VNN2: variants seen among roughly 807,000 people sequenced by gnomAD.
The protein encoded by VNN2 is vanin 2.
Under a neutral mutation model 43.0 loss-of-function variants are expected in VNN2, and 43 were observed. The ratio of observed to expected loss-of-function variants is 1.00; its 90% CI spans 0.78 to 1.29. The LOEUF (loss-of-function observed/expected upper bound fraction) is 1.29, where lower values mean the gene tolerates loss of function less well. VNN2 is among the 50% of genes most tolerant of loss of function. VNN2 has a pLI of 0.00. For missense variants in VNN2, 652 were observed against 619.7 expected (o/e 1.05, Z -0.55); for synonymous variants, 230 against 224.3 (o/e 1.03, Z -0.23).
chr6:132,755,206 A>G (rs571617635), intron 3 of VNN2, among the ~76,000 whole-genome samples: 34 of 151,472 alleles, frequency 2.2e-4, no homozygotes, highest in Non-Finnish European at 4.1e-4. Flanking sequence ...TGCCCAGATT[A>G]TAGTCACCTT....
chr6:132,752,807 A>AT, intron 3 of VNN2, 58 bp from the exon 4 acceptor site: 1 of 1,542,814 alleles, frequency 6.5e-7, no homozygotes, highest in Non-Finnish European at 8.7e-7. Flanking sequence ...GAAATGACTC[A>AT]TAAAAACCCT....
chr6:132,744,573 G>T, intron 6 of VNN2, 82 bp from the exon 7 acceptor site: 1 of 1,345,844 alleles, frequency 7.4e-7, no homozygotes, highest in Non-Finnish European at 1.0e-6. Flanking sequence ...AACCATCCTA[G>T]ATATAATGTA....
At chr6:132,749,666 T>C (rs1321758047) in intron 6 of VNN2, 29 bp downstream of exon 6, 1 of 1,584,786 alleles carries the variant, frequency 6.3e-7, no homozygotes, top group South Asian at 1.1e-5. Flanking sequence ...ACATATAAAA[T>C]GAAAATACTC....
At chr6:132,756,811 T>G (rs1780505748) in intron 2 of VNN2, among the ~76,000 whole-genome samples, 1 of 152,252 alleles carries the variant, frequency 6.6e-6, no homozygotes, top group Non-Finnish European at 1.5e-5. Context: ...TTTGATTTTC[T>G]ATCTCCAGAT....
At chr6:132,749,536 C>A (rs878906123) in intron 6 of VNN2, among the ~76,000 whole-genome samples, 159 bp downstream of exon 6, 1 of 152,128 alleles carries the variant, frequency 6.6e-6, no homozygotes, top group African/African-American at 2.4e-5. Flanking sequence ...GCCTACCTAC[C>A]CCAAGTTCAA....
intron 3 of VNN2, chr6:132,752,955 T>A (rs1582827946): frequency 1.9e-6 from 1 of 518,784 alleles, no homozygotes; most frequent in East Asian, 3.2e-5. Context: ...TCTCATCTCC[T>A]CTCTCTCCCT....
intron 1 of VNN2, among the ~76,000 whole-genome samples, chr6:132,763,015 C>T (rs1215965732): frequency 2.0e-5 from 3 of 152,094 alleles, no homozygotes; most frequent in African/African-American, 7.2e-5. Context: ...ATTAACCCTG[C>T]CAAAAGTTTC....
intron 4 of VNN2, 105 bp downstream of exon 4, chr6:132,752,355 CA>C (rs1466660293): frequency 7.6e-7 from 1 of 1,314,202 alleles, no homozygotes; most frequent in African/African-American, 1.5e-5. Context: ...ATGACAAACA[CA>C]GTAAGAATTT....
chr6:132,751,119 T>C (rs554924768), intron 5 of VNN2, 26 bp downstream of exon 5: 1 of 1,546,334 alleles, frequency 6.5e-7, no homozygotes, highest in Non-Finnish European at 8.7e-7. Context: ...TTCACTTGAA[T>C]GCCCTTTCAT....
chr6:132,750,503 A>ATGTGTG (rs1779997611), intron 5 of VNN2, among the ~76,000 whole-genome samples: 1 of 70,928 alleles, frequency 1.4e-5, no homozygotes, highest in Non-Finnish European at 3.0e-5. Context: ...ATGTGTATAT[A>ATGTGTG]TATATATATA....
At chr6:132,755,747 A>T in intron 3 of VNN2, 96 bp downstream of exon 3, 4 of 1,246,992 alleles carry the variant, frequency 3.2e-6, no homozygotes, top group Non-Finnish European at 4.4e-6. Flanking sequence ...CCCTCTAGTA[A>T]TATTGTATCA....
In VNN2 at chr6:132,757,751, C is replaced by G. The variant is rs779651005; in HGVS notation, c.133G>C (p.Val45Leu). The change falls in exon 1 of 7, where the codon GTT becomes CTT. Residue 45 changes from valine to leucine, a missense_variant. Val to Leu is a conservative substitution (Grantham distance 32). Coordinates refer to ENST00000326499, the MANE Select transcript of VNN2 (RefSeq NM_004665.6). ...AGATTCAAGGCATCCTCCTGAGAAA[C>G]TGGTGTTTCTGTTTTATTTGGCAAA... ...VILPNKTETP[V>L]SQEDALNLMN... 4 of 1,614,108 alleles carry G rather than the reference C, an allele frequency of 2.5e-6. No individual in the cohort carries two copies. Among genetic ancestry groups the G allele is most frequent in the Non-Finnish European group, 3.4e-6 (4 of 1,180,030 alleles).
At chr6:132,749,633 C>A (rs1182270291) in intron 6 of VNN2, 62 bp downstream of exon 6, 6 of 1,472,476 alleles carry the variant, frequency 4.1e-6, no homozygotes, top group Non-Finnish European at 5.5e-6. Context: ...GTGGCTATAG[C>A]TTGTTTTACT....
rs759768081 is a variant in VNN2, at chr6:132,756,017, T to C, written c.363A>G (p.Val121=). The change falls in exon 3 of 7, where the codon GTA becomes GTG. Residue 121 remains valine (V), a synonymous_variant. Transcript: ENST00000326499. ...QDPHRFGHTP[V]QARLSCLAKD... ...TGGCCAGGCAGCTGAGTCTTGCTTG[T>C]ACTGGTGTGTGACCAAATCTAAACC... 34 of 1,607,978 alleles carry C rather than the reference T, an allele frequency of 2.1e-5. 4 individuals are homozygous for C. In the South Asian group the frequency reaches 3.8e-4, roughly 18 times the overall value.
rs1173098256 is a variant in VNN2, at chr6:132,757,739, C to T, written c.145G>A (p.Asp49Asn). The stretch of plus-strand genomic sequence containing the variant: ...TTCTCGTTCATGAGATTCAAGGCAT[C>T]CTCCTGAGAAACTGGTGTTTCTGTT... The part of the protein sequence containing the change: ...NKTETPVSQE[D>N]ALNLMNENID... The change falls in exon 1 of 7, where the codon GAT becomes AAT. Residue 49 changes from aspartate to asparagine, a missense_variant. Asp to Asn is a conservative substitution (Grantham distance 23). Transcript: ENST00000326499. 6.2e-7 allele frequency: 1 copy of T among 1,614,130 alleles called. No individual in the cohort carries two copies.
chr6:132,751,178 T>C lies in VNN2; in HGVS notation c.1167A>G (p.Gly389=), dbSNP rs1424680395. Residue 389 remains glycine (G), a synonymous_variant, in exon 5 of 7, where the codon GGA becomes GGG. Coordinates refer to ENST00000326499, the MANE Select transcript of VNN2 (RefSeq NM_004665.6). The part of the protein sequence containing the change: ...NEVYVLGAFT[G]LHGRRRREYW... ...ACTCTCTTCTCCTTCGGCCATGTAA[T>C]CCTGTAAAAGCTCCTAGAACGTATA... 6.2e-7 allele frequency: 1 copy of C among 1,611,180 alleles called. No individual in the cohort carries two copies.
At chr6:132,755,809 C>A in intron 3 of VNN2, 34 bp downstream of exon 3, 6 of 1,573,638 alleles carry the variant, frequency 3.8e-6, no homozygotes, top group Non-Finnish European at 5.2e-6. Context: ...ACTCACAACA[C>A]GCTCCATTTT....
intron 6 of VNN2, among the ~76,000 whole-genome samples, chr6:132,748,344 G>A (rs1474447487): frequency 6.6e-6 from 1 of 152,154 alleles, no homozygotes; most frequent in East Asian, 1.9e-4. Context: ...AGGTTCTATG[G>A]CAGCAAAGCA....
At chr6:132,760,224 G>C (rs887700578), upstream of VNN2, among the ~76,000 whole-genome samples, 1 of 152,082 alleles carries the variant, frequency 6.6e-6, no homozygotes, top group Non-Finnish European at 1.5e-5. Context: ...GCTCAGGCTG[G>C]AGTGCAGTGG....
Sources: gnomAD v4.1 joint callset for allele counts (sites outside exome capture counted in the v4.1 genomes callset) on GRCh38, gnomAD v4.1.1 for gene constraint, MANE v1.5 for transcripts, NCBI Gene and HGNC (gene_info 2026-07-23, HGNC 2026-07-21) for gene names.